The following WAC variants were observed in gnomAD, a reference collection of about 807,000 sequenced individuals.
WAC encodes the protein WW domain containing adaptor with coiled-coil, also known as WW domain-containing adapter protein with coiled-coil.
In WAC, 11 loss-of-function variants were observed where a neutral mutation model predicts 79.6. The ratio of observed to expected loss-of-function variants is 0.14; its 90% CI spans 0.09 to 0.23. WAC has a LOEUF of 0.23. WAC is among the 10% of genes least tolerant of loss of function. The probability of loss-of-function intolerance (pLI) is 1.00; values close to 1 mark genes in which losing one functional copy is unlikely to be tolerated. For synonymous variants in WAC, 304 were observed against 276.9 expected (o/e 1.10, Z -0.97); for missense variants, 728 against 773.5 (o/e 0.94, Z 0.70).
chr10:28,533,731 C>A, intron 1 of WAC, 111 bp downstream of exon 1: 2 of 1,323,044 alleles, frequency 1.5e-6, no homozygotes, highest in Non-Finnish European at 2.1e-6. Context: ...TAACCCTGAT[C>A]CGGATCGGGT....
At chr10:28,581,003 A>T (rs1014716540) in intron 3 of WAC, among the ~76,000 whole-genome samples, 3 of 152,162 alleles carry the variant, frequency 2.0e-5, no homozygotes, top group African/African-American at 7.2e-5. Flanking sequence ...TTCTTGCCTA[A>T]GAGTCATACA....
At chr10:28,605,997 C>T (rs1457774153) in intron 7 of WAC, among the ~76,000 whole-genome samples, 3 of 151,668 alleles carry the variant, frequency 2.0e-5, no homozygotes, top group Non-Finnish European at 4.4e-5. Flanking sequence ...GAGAATACTG[C>T]TAATATGCTC....
Position 28,581,238 on chromosome 10 carries a change from C to CT in WAC, c.275-2129dup, listed in dbSNP as rs71391053. ...AACAGCTTAGGTACAATGAGCGATTCTTTTTTTTTTTTTTTTTTTTTTTTT... is the reference window on the plus strand; with the variant it reads ...AACAGCTTAGGTACAATGAGCGATTCTTTTTTTTTTTTTTTTTTTTTTTTTT... On this transcript the variant is annotated intron_variant, in intron 3 of 13. Transcript: ENST00000354911. 7.8e-3 allele frequency among the ~76,000 whole-genome samples: 518 copies of CT among 66,092 alleles called. 15 individuals carry two copies. The highest frequency in any genetic ancestry group is 0.013 in the South Asian group (17 of 1,346). The allele number at this position is 66,092 out of a possible 152,430, so 43.4% of individuals were successfully genotyped here. A position where few individuals can be genotyped will look rare whatever the true frequency, so the allele number is the denominator to read the frequency against.
chr10:28,552,187 T>TC (rs762665418), intron 3 of WAC, among the ~76,000 whole-genome samples: 3 of 152,226 alleles, frequency 2.0e-5, no homozygotes, highest in Non-Finnish European at 4.4e-5. Context: ...CAGTTTTTTT[T>TC]CCTCTTAGTA....
intron 3 of WAC, among the ~76,000 whole-genome samples, chr10:28,567,284 T>C (rs1838698785): frequency 6.6e-6 from 1 of 151,718 alleles, no homozygotes; most frequent in Admixed American, 6.6e-5. Context: ...ATACCCCCAC[T>C]TCCATGTCTG....
intron 7 of WAC, among the ~76,000 whole-genome samples, chr10:28,603,959 A>ATGTATATATATATATATATATATATATG (rs1840783243): frequency 1.6e-4 from 1 of 6,250 alleles, no homozygotes; most frequent in South Asian, 9.1e-3. Context: ...ATATGTATGT[A>ATGTATATATATATATATATATATATATG]TGTATATATA....
chr10:28,554,930 T>G (rs1360280118), intron 3 of WAC, among the ~76,000 whole-genome samples: 1 of 152,170 alleles, frequency 6.6e-6, no homozygotes, highest in Non-Finnish European at 1.5e-5. Flanking sequence ...AAAAGTTACT[T>G]CCTCTGTCCT....
At position 28,533,625 on chromosome 10, in the gene WAC, A is replaced by G. The variant is rs1162804939; in HGVS notation, c.41+5A>G. ...ACAGCAGAGACTCAGTGATGGGTAA[A>G]TTGTCTTTTCGTTTCGGGCCGGGCG... On this transcript the variant is annotated splice_donor_5th_base_variant and intron_variant, in intron 1 of 13. Coordinates refer to ENST00000354911, the MANE Select transcript of WAC (RefSeq NM_016628.5). 5 of 1,568,270 alleles carry G rather than the reference A, an allele frequency of 3.2e-6. No individual in the cohort carries two copies. Among genetic ancestry groups the G allele is most frequent in the East Asian group, 2.4e-5 (1 of 41,536 alleles).
chr10:28,535,092 A>G (rs991385139), intron 2 of WAC, among the ~76,000 whole-genome samples: 15 of 150,812 alleles, frequency 9.9e-5, no homozygotes, highest in Non-Finnish European at 2.1e-4. Flanking sequence ...TATTTGAATC[A>G]AAGAATTGGA....
chr10:28,600,985 G>A (rs1840615926), intron 7 of WAC, among the ~76,000 whole-genome samples: 1 of 151,168 alleles, frequency 6.6e-6, no homozygotes, highest in South Asian at 2.1e-4. Flanking sequence ...CTAAAACACC[G>A]AGGCTCTTGG....
intron 1 of WAC, 49 bp from the exon 2 acceptor site, chr10:28,533,949 C>G: frequency 1.2e-6 from 2 of 1,601,578 alleles, no homozygotes; most frequent in Non-Finnish European, 1.7e-6. Context: ...TCCCCGGCCC[C>G]CCACCCGCGC....
At chr10:28,571,060 G>A (rs1009236630) in intron 3 of WAC, among the ~76,000 whole-genome samples, 1 of 137,664 alleles carries the variant, frequency 7.3e-6, no homozygotes, top group African/African-American at 2.7e-5. Context: ...GGGTTCAGAC[G>A]ATTCTCCTGC....
rs71769370 is a variant in WAC at position 28,551,784 on chromosome 10, TTGTGTGTGTG to T, written c.274+16053_274+16062del. ...AAATGCTTTTATGTTTCCTGTCTAC[TTGTGTGTGTG>T]TGTGTGTGTGTGTGTGTGTGTGTGT... On this transcript the variant is annotated intron_variant, in intron 3 of 13. Transcript: ENST00000354911. Among the ~76,000 whole-genome samples the T allele has an allele frequency of 4.5e-3, 566 of 124,810 alleles. 3 individuals are homozygous for T. The highest frequency in any genetic ancestry group is 5.9e-3 in the Admixed American group (65 of 11,016). The allele number at this position is 124,810 out of a possible 152,430, so 81.9% of individuals were successfully genotyped here.
At position 28,568,449 on chromosome 10, in the gene WAC, T is replaced by C. The variant is rs747861604; in HGVS notation, c.275-14950T>C. 1.9e-4 allele frequency among the ~76,000 whole-genome samples: 29 copies of C among 152,278 alleles called. 1 individual carries two copies. In the South Asian group the frequency reaches 3.1e-3, roughly 16 times the overall value. ...GGGCTGGTGTGCAGTGGCACGGTCT[T>C]GGCTCGCTGCAACCTCCACCTCCCG... is the stretch of plus-strand genomic sequence containing the variant. On this transcript the variant is annotated intron_variant, in intron 3 of 13. Coordinates refer to ENST00000354911, the MANE Select transcript of WAC (RefSeq NM_016628.5).
rs771869396 is a variant in WAC, at chr10:28,533,548, C to T, written c.-32C>T. ...CCGCCTTTCGCGGCCGCTCTCCCCC[C>T]TCCCCGACACACACTCACAGGCCGG... On this transcript the variant is annotated 5_prime_UTR_variant, in exon 1 of 14. Transcript: ENST00000354911. 4.3e-6 allele frequency: 6 copies of T among 1,403,630 alleles called. 1 individual carries two copies. The highest frequency in any genetic ancestry group is 2.9e-5 in the South Asian group (2 of 68,804). 86.9% of individuals were successfully genotyped at this position (1,403,630 alleles called of 1,614,324 possible).
Position 28,610,918 on chromosome 10 carries a change from T to C in WAC, c.1288+97T>C, listed in dbSNP as rs553205493. The C allele has an allele frequency of 2.6e-3, 3,530 of 1,339,618 alleles. 79 individuals are homozygous for C. The African/African-American group carries it at 0.046, about 17-fold the overall frequency. The allele number at this position is 1,339,618 out of a possible 1,614,324, so 83.0% of individuals were successfully genotyped here. On this transcript the variant is annotated intron_variant, in intron 9 of 13. Transcript: ENST00000354911. ...GTATTTAGTTTTTTCTTTCATTTTTTTTTTTAGTTTTTTAAGAGATTAGCT... is the reference window on the plus strand; with the variant it reads ...GTATTTAGTTTTTTCTTTCATTTTTCTTTTTAGTTTTTTAAGAGATTAGCT...
Position 28,610,809 on chromosome 10 carries a change from C to T in WAC, c.1276C>T (p.Leu426Phe), listed in dbSNP as rs777392693. ...GTCTCTGATTTCTCAAGCTGCTCAG[C>T]TCTCTACACAAGGTATTCTTACTCA... ...ITSLISQAAQ[L>F]STQAQPSNQS... The change falls in exon 9 of 14, where the codon CTC becomes TTC. Residue 426 changes from leucine to phenylalanine, a missense_variant. Around this residue, in one of 3 missense-constraint regions of WAC, gnomAD observed 648 missense variants for 661.5 expected, o/e 0.98. Coordinates refer to ENST00000354911, the MANE Select transcript of WAC (RefSeq NM_016628.5). 2.5e-6 allele frequency: 4 copies of T among 1,609,194 alleles called. No individual in the cohort carries two copies. The highest frequency in any genetic ancestry group is 1.7e-5 in the Admixed American group (1 of 59,354).
intron 3 of WAC, among the ~76,000 whole-genome samples, chr10:28,542,017 T>C (rs1303612909): frequency 6.6e-6 from 1 of 152,194 alleles, no homozygotes; most frequent in African/African-American, 2.4e-5. Flanking sequence ...TAATAGATCC[T>C]GTGTAATCTG....
intron 7 of WAC, 66 bp from the exon 8 acceptor site, chr10:28,608,119 TC>T: frequency 6.3e-7 from 1 of 1,580,174 alleles, no homozygotes; most frequent in Non-Finnish European, 8.6e-7. Flanking sequence ...TGAGAGGTGT[TC>T]CTTTGATGTT....
Sources: gnomAD v4.1 joint callset for allele counts (sites outside exome capture counted in the v4.1 genomes callset) on GRCh38, gnomAD v4.1.1 for gene constraint, gnomAD v4.1.1 regional missense constraint, MANE v1.5 for transcripts, NCBI Gene and HGNC (gene_info 2026-07-23, HGNC 2026-07-21) for gene names.